The following SSR3 variants were observed in gnomAD, a reference collection of about 807,000 sequenced individuals.
The protein encoded by SSR3 is translocon-associated protein subunit gamma.
In SSR3, 10 loss-of-function variants were observed where a neutral mutation model predicts 22.1. The observed-to-expected ratio is 0.45, with a 90% CI of 0.28 to 0.77. The LOEUF (loss-of-function observed/expected upper bound fraction) is 0.77, where lower values mean the gene tolerates loss of function less well. Ranked by LOEUF, SSR3 falls within the 30% of genes least tolerant of loss-of-function variation. SSR3 has a pLI of 0.13. For missense variants in SSR3, 181 were observed against 220.5 expected (o/e 0.82, Z 1.13); for synonymous variants, 104 against 82.5 (o/e 1.26, Z -1.42).
Position 156,540,840 on chromosome 3 carries a change from T to C in SSR3, c.*2363A>G, listed in dbSNP as rs1487263662. ...TACAGCATGGTTTTACTAAGTCAGA[T>C]TGAGTAGGTCGCATCTCTGTGTGCC... On this transcript the variant is annotated 3_prime_UTR_variant, in exon 5 of 5. Transcript: ENST00000265044. 1 of 152,146 alleles carries C rather than the reference T, an allele frequency of 6.6e-6. No homozygotes were observed. Among genetic ancestry groups the C allele is most frequent in the Non-Finnish European group, 1.5e-5 (1 of 68,020 alleles). The allele number at this position is 152,146 out of a possible 1,614,324, so 9.4% of individuals were successfully genotyped here.
intron 3 of SSR3, among the ~76,000 whole-genome samples, chr3:156,546,478 T>C (rs952347913): frequency 6.6e-6 from 1 of 152,226 alleles, no homozygotes; most frequent in Non-Finnish European, 1.5e-5. Flanking sequence ...CCCAATCCTT[T>C]AGATTTCCCT....
In SSR3 at chr3:156,542,874, A is replaced by C. The variant is rs568446285; in HGVS notation, c.*329T>G. ...AACTTCCTACTACTATTATATAATAAATAATAACAGCTCGGCCCAGGTTAC... is the reference window on the plus strand; with the variant it reads ...AACTTCCTACTACTATTATATAATACATAATAACAGCTCGGCCCAGGTTAC... On this transcript the variant is annotated 3_prime_UTR_variant, in exon 5 of 5. Coordinates refer to ENST00000265044, the MANE Select transcript of SSR3 (RefSeq NM_007107.5). The C allele has an allele frequency of 1.2e-5, 3 of 248,460 alleles. No homozygotes were observed. In the East Asian group the frequency reaches 2.3e-4, roughly 19 times the overall value. 15.4% of individuals were successfully genotyped at this position (248,460 alleles called of 1,614,324 possible). A position where few individuals can be genotyped will look rare whatever the true frequency, so the allele number is the denominator to read the frequency against.
At chr3:156,554,854 C>T in intron 1 of SSR3, 103 bp downstream of exon 1, 1 of 1,458,254 alleles carries the variant, frequency 6.9e-7, no homozygotes, top group Non-Finnish European at 9.2e-7. Context: ...TTGCCGACCC[C>T]CGGCCGGCAC....
At chr3:156,546,421 G>C (rs1308505569) in intron 3 of SSR3, among the ~76,000 whole-genome samples, 1 of 152,040 alleles carries the variant, frequency 6.6e-6, no homozygotes, top group Non-Finnish European at 1.5e-5. Context: ...TGTGAAAATC[G>C]ACTAATACAA....
chr3:156,547,950 TA>T (rs905027966), intron 3 of SSR3, among the ~76,000 whole-genome samples: 15 of 152,214 alleles, frequency 9.9e-5, no homozygotes, highest in African/African-American at 3.6e-4. Flanking sequence ...TTCCTCCTTT[TA>T]AATGGTTTCT....
chr3:156,553,289 A>G (rs890821654), intron 2 of SSR3, among the ~76,000 whole-genome samples: 1 of 152,184 alleles, frequency 6.6e-6, no homozygotes. Flanking sequence ...TCATTTCTTT[A>G]ACTTCCAAAA....
chr3:156,553,188 G>A (rs1216149183), intron 2 of SSR3, among the ~76,000 whole-genome samples: 3 of 152,134 alleles, frequency 2.0e-5, no homozygotes, highest in Admixed American at 1.3e-4. Flanking sequence ...GCCTGGGAAG[G>A]TTGAGGCTGC....
At chr3:156,547,752 C>G (rs1195860352) in intron 3 of SSR3, among the ~76,000 whole-genome samples, 2 of 152,164 alleles carry the variant, frequency 1.3e-5, no homozygotes, top group Non-Finnish European at 2.9e-5. Flanking sequence ...AAATAAGGAT[C>G]CACTTGATAA....
rs1213729316 is a variant in SSR3 at position 156,541,538 on chromosome 3, C to T, written c.*1665G>A. ...AGGCAGTTCTCCTGCTTCAGCCTCC[C>T]AAGTAGCTGAGATTACAGGCGCCCA... On this transcript the variant is annotated 3_prime_UTR_variant, in exon 5 of 5. Coordinates refer to ENST00000265044, the MANE Select transcript of SSR3 (RefSeq NM_007107.5). 6.6e-6 allele frequency: 1 copy of T among 152,164 alleles called. No homozygotes were observed. Among genetic ancestry groups the T allele is most frequent in the Non-Finnish European group, 1.5e-5 (1 of 68,062 alleles). The allele number at this position is 152,164 out of a possible 1,614,324, so 9.4% of individuals were successfully genotyped here. A position where few individuals can be genotyped will look rare whatever the true frequency, so the allele number is the denominator to read the frequency against.
rs1354006077 is a variant in SSR3, at chr3:156,540,420, A to T, written c.*2783T>A. 6.6e-6 allele frequency: 1 copy of T among 152,124 alleles called. No homozygotes were observed. The highest frequency in any genetic ancestry group is 2.4e-5 in the African/African-American group (1 of 41,436). The allele number at this position is 152,124 out of a possible 1,614,324, so 9.4% of individuals were successfully genotyped here. A position where few individuals can be genotyped will look rare whatever the true frequency, so the allele number is the denominator to read the frequency against. On this transcript the variant is annotated 3_prime_UTR_variant, in exon 5 of 5. Transcript: ENST00000265044. ...GGAGATCGAGACCATCCTGGCTAAC[A>T]GGGTGAAACCCCGTCTCTACTAAAA... is the stretch of plus-strand genomic sequence containing the variant.
rs142556990 is a variant in SSR3, at chr3:156,555,000, C to T, written c.90G>A (p.Ala30=). ...CGATGAACGCGTTTCCGAAGAAGAG[C>T]GCGGAGGACTTGGCCGAGAGATTGC... ...FSRNLSAKSS[A]LFFGNAFIVS... Residue 30 remains alanine (A), a synonymous_variant, in exon 1 of 5, where the codon GCG becomes GCA. Coordinates refer to ENST00000265044, the MANE Select transcript of SSR3 (RefSeq NM_007107.5). 1.2e-6 allele frequency: 2 copies of T among 1,613,928 alleles called. No homozygotes were observed. Among genetic ancestry groups the T allele is most frequent in the African/African-American group, 2.7e-5 (2 of 74,932 alleles).
At chr3:156,549,396 A>G (rs1404843956) in intron 2 of SSR3, among the ~76,000 whole-genome samples, 1 of 152,238 alleles carries the variant, frequency 6.6e-6, no homozygotes, top group Non-Finnish European at 1.5e-5. Context: ...ATGATGTATT[A>G]TTTCAATTCC....
At chr3:156,550,991 A>G (rs1448236034) in intron 2 of SSR3, among the ~76,000 whole-genome samples, 1 of 152,234 alleles carries the variant, frequency 6.6e-6, no homozygotes, top group Non-Finnish European at 1.5e-5. Context: ...ACTGGAACCC[A>G]GACTGTCAAC....
chr3:156,544,441 TAC>T lies in SSR3; in HGVS notation c.360-4_360-3del, dbSNP rs1186133369. 6.4e-7 allele frequency: 1 copy of T among 1,569,374 alleles called. No homozygotes were observed. Among genetic ancestry groups the T allele is most frequent in the East Asian group, 2.3e-5 (1 of 43,812 alleles). On this transcript the variant is annotated splice_region_variant and splice_polypyrimidine_tract_variant and intron_variant, in intron 3 of 4. Coordinates refer to ENST00000265044, the MANE Select transcript of SSR3 (RefSeq NM_007107.5). The stretch of plus-strand genomic sequence containing the variant: ...ACTTCATTCTTCTTCCACAAGATTC[TAC>T]AGACACAGAAACAAGTCAAACAAGC...
intron 2 of SSR3, among the ~76,000 whole-genome samples, chr3:156,553,085 C>T (rs1313817636): frequency 1.3e-5 from 2 of 149,886 alleles, no homozygotes; most frequent in African/African-American, 4.9e-5. Context: ...GCCTGGTCAA[C>T]ATGGCCTGTC....
Position 156,555,100 on chromosome 3 carries a change from C to T in SSR3, c.-11G>A, listed in dbSNP as rs765969525. ...GCCTTTAGGAGCCATGGCGGAGCTG[C>T]AGGCGAGAACAGGGAACGTAGAGCC... On this transcript the variant is annotated 5_prime_UTR_variant, in exon 1 of 5. Transcript: ENST00000265044. 1 of 1,612,210 alleles carries T rather than the reference C, an allele frequency of 6.2e-7. No homozygotes were observed. The highest frequency in any genetic ancestry group is 1.1e-5 in the South Asian group (1 of 91,078).
rs1300521813 is a variant in SSR3, at chr3:156,540,281, T to C, written c.*2922A>G. ...TTCCAAGTTTCAATAATATGGCAAA[T>C]AGGACAACCAGTAAACTTTTATTGC... On this transcript the variant is annotated 3_prime_UTR_variant, in exon 5 of 5. Transcript: ENST00000265044. 6.6e-6 allele frequency: 1 copy of C among 152,128 alleles called. No individual in the cohort carries two copies. The highest frequency in any genetic ancestry group is 1.5e-5 in the Non-Finnish European group (1 of 68,016). The allele number at this position is 152,128 out of a possible 1,614,324, so 9.4% of individuals were successfully genotyped here. A position where few individuals can be genotyped will look rare whatever the true frequency, so the allele number is the denominator to read the frequency against.
Position 156,542,623 on chromosome 3 carries a change from TTAAGAAAAAAA to T in SSR3, c.*569_*579del. Reference sequence around the variant, plus strand: ...AGGTTACTACCTTGGCTGCCCTTCTTTAAGAAAAAAAAAAGAAAAAAAAAGAACTTTTCCAC... The same window carrying T: ...AGGTTACTACCTTGGCTGCCCTTCTTAAAGAAAAAAAAAGAACTTTTCCAC... On this transcript the variant is annotated 3_prime_UTR_variant, in exon 5 of 5. Coordinates refer to ENST00000265044, the MANE Select transcript of SSR3 (RefSeq NM_007107.5). The T allele has an allele frequency of 6.6e-6, 1 of 151,012 alleles. No homozygotes were observed. The allele number at this position is 151,012 out of a possible 1,614,324, so 9.4% of individuals were successfully genotyped here.
chr3:156,544,785 A>AT (rs1366077542), intron 3 of SSR3, among the ~76,000 whole-genome samples: 1 of 152,192 alleles, frequency 6.6e-6, no homozygotes, highest in African/African-American at 2.4e-5. Flanking sequence ...AAACTCCATG[A>AT]TTAGCAGCCT....
Sources: allele counts gnomAD v4.1 joint callset (sites outside exome capture counted in the v4.1 genomes callset), GRCh38; gene constraint gnomAD v4.1.1; transcripts MANE v1.5; gene names NCBI Gene and HGNC (gene_info 2026-07-23, HGNC 2026-07-21).